GALNT17: variants seen among roughly 807,000 people sequenced by gnomAD.
GALNT17 encodes the protein polypeptide N-acetylgalactosaminyltransferase 17.
GALNT17 carries 29 observed loss-of-function variants against 63.7 expected under a neutral mutation model. The observed-to-expected ratio is 0.46, with a 90% CI of 0.34 to 0.62. The LOEUF is 0.62. GALNT17 is among the 20% of genes least tolerant of loss of function. GALNT17 has a pLI of 0.01. For missense variants in GALNT17, 603 were observed against 799.6 expected, an observed-to-expected ratio of 0.75 and a Z score of 2.97; for synonymous variants, 305 against 318.3, an observed-to-expected ratio of 0.96 and a Z score of 0.45.
At chr7:71,679,890 C>A (rs1350974692) in intron 9 of GALNT17, among the ~76,000 whole-genome samples, 2 of 92,700 alleles carry the variant, frequency 2.2e-5, no homozygotes, top group African/African-American at 8.2e-5. Flanking sequence ...TTCTTTTTCC[C>A]TCCCTCCCTC....
chr7:71,475,573 A>G (rs973291950), intron 5 of GALNT17, among the ~76,000 whole-genome samples: 5 of 152,182 alleles, frequency 3.3e-5, no homozygotes, highest in Admixed American at 3.3e-4. Context: ...GTAAATGCAG[A>G]TGAAGCTTCG....
intron 1 of GALNT17, among the ~76,000 whole-genome samples, chr7:71,259,642 TTTTG>T (rs1427947251): frequency 4.1e-5 from 6 of 146,988 alleles, no homozygotes; most frequent in African/African-American, 5.1e-5. Context: ...TTTTTTGTTT[TTTTG>T]TTTTTTTTTT....
At chr7:71,553,769 A>G (rs1789118172) in intron 5 of GALNT17, among the ~76,000 whole-genome samples, 1 of 152,216 alleles carries the variant, frequency 6.6e-6, no homozygotes, top group South Asian at 2.1e-4. Flanking sequence ...AAGGTAACTC[A>G]GTTTCTTCCC....
chr7:71,595,264 A>T (rs1789868462), intron 6 of GALNT17, among the ~76,000 whole-genome samples: 1 of 152,070 alleles, frequency 6.6e-6, no homozygotes, highest in South Asian at 2.1e-4. Flanking sequence ...CATACAAAAA[A>T]TAAAAATAAT....
intron 9 of GALNT17, among the ~76,000 whole-genome samples, chr7:71,693,652 A>AG (rs989811263): frequency 6.9e-6 from 1 of 145,256 alleles, no homozygotes; most frequent in African/African-American, 2.5e-5. Context: ...ATTGGAGGGT[A>AG]GGGGGTGGAG....
rs538990552 is a variant in GALNT17 at position 71,654,630 on chromosome 7, G to A, written c.1081-10781G>A. On this transcript the variant is annotated intron_variant, in intron 6 of 10. Transcript: ENST00000333538. ...GAGTAAATTCCCCTTAAACAAAAATGGACTAGTTATGTTAATTTCTTGTTG... is the reference window on the plus strand; with the variant it reads ...GAGTAAATTCCCCTTAAACAAAAATAGACTAGTTATGTTAATTTCTTGTTG... Among the ~76,000 whole-genome samples the A allele has an allele frequency of 4.6e-5, 7 of 152,196 alleles. No individual in the cohort carries two copies. In the East Asian group the frequency reaches 1.2e-3, roughly 25 times the overall value.
At chr7:71,326,598 ATTC>A (rs559359738) in intron 1 of GALNT17, among the ~76,000 whole-genome samples, 76 of 152,364 alleles carry the variant, frequency 5.0e-4, no homozygotes, top group Admixed American at 2.2e-3. Context: ...ATTTTCAAAT[ATTC>A]TTCTTACTGG....
intron 1 of GALNT17, among the ~76,000 whole-genome samples, chr7:71,197,797 A>C (rs1360187552): frequency 1.3e-5 from 2 of 152,174 alleles, no homozygotes; most frequent in Admixed American, 1.3e-4. Flanking sequence ...TTTAGGGCTG[A>C]ATAGTACTCT....
intron 5 of GALNT17, among the ~76,000 whole-genome samples, chr7:71,513,282 T>G (rs1163777770): frequency 6.6e-6 from 1 of 152,054 alleles, no homozygotes; most frequent in African/African-American, 2.4e-5. Flanking sequence ...TATACAAAAG[T>G]AGAGAGAAAA....
chr7:71,359,512 A>T (rs1792357740), intron 2 of GALNT17, among the ~76,000 whole-genome samples: 1 of 151,912 alleles, frequency 6.6e-6, no homozygotes, highest in Non-Finnish European at 1.5e-5. Context: ...TAGACCCCCG[A>T]CTCCAACTTT....
intron 1 of GALNT17, among the ~76,000 whole-genome samples, chr7:71,292,657 G>GAC (rs1791000331): frequency 4.8e-5 from 5 of 104,700 alleles, no homozygotes; most frequent in Non-Finnish European, 9.3e-5. Flanking sequence ...GAGAGACAGA[G>GAC]AGAGAGAGAG....
chr7:71,593,955 A>G (rs1436639692), intron 6 of GALNT17, among the ~76,000 whole-genome samples: 3 of 152,126 alleles, frequency 2.0e-5, no homozygotes, highest in African/African-American at 7.2e-5. Context: ...ACGCAGGGAA[A>G]TTACAAATGT....
rs1023955589 is a variant in GALNT17, at chr7:71,366,158, A to G, written c.423-22077A>G. Among the ~76,000 whole-genome samples the G allele has an allele frequency of 2.0e-5, 3 of 152,246 alleles. No individual in the cohort carries two copies. The South Asian group carries it at 6.2e-4, about 32-fold the overall frequency. ...ACGTGAGTAGATGGGGAGAGGCTGT[A>G]AATACAGAAGAAGTTTTGCCCACTC... On this transcript the variant is annotated intron_variant, in intron 2 of 10. Transcript: ENST00000333538.
intron 9 of GALNT17, among the ~76,000 whole-genome samples, chr7:71,689,256 G>A (rs930207504): frequency 2.0e-5 from 3 of 152,004 alleles, no homozygotes; most frequent in Non-Finnish European, 4.4e-5. Flanking sequence ...GCCTCTAAAA[G>A]CTTTAGTGAG....
At chr7:71,319,962 G>T (rs1791574715) in intron 1 of GALNT17, among the ~76,000 whole-genome samples, 3 of 152,146 alleles carry the variant, frequency 2.0e-5, no homozygotes, top group Admixed American at 2.0e-4. Flanking sequence ...GAGGCTAGAA[G>T]CAGCAATGCA....
intron 1 of GALNT17, among the ~76,000 whole-genome samples, chr7:71,233,501 T>A (rs1789831411): frequency 6.6e-6 from 1 of 152,198 alleles, no homozygotes; most frequent in Admixed American, 6.5e-5. Context: ...ATAGAACTGC[T>A]CCAGAGCCTA....
intron 1 of GALNT17, among the ~76,000 whole-genome samples, chr7:71,285,252 C>T (rs1263720812): frequency 5.9e-5 from 9 of 152,104 alleles, no homozygotes; most frequent in Admixed American, 5.9e-4. Context: ...GACAGCAATT[C>T]GGAATAGCCT....
Position 71,475,401 on chromosome 7 carries a change from G to A in GALNT17, c.962+54296G>A, listed in dbSNP as rs4288249. 5.2e-3 allele frequency among the ~76,000 whole-genome samples: 794 copies of A among 152,232 alleles called. 8 individuals are homozygous for A. The highest frequency in any genetic ancestry group is 0.018 in the African/African-American group (758 of 41,520). On this transcript the variant is annotated intron_variant, in intron 5 of 10. Coordinates refer to ENST00000333538, the MANE Select transcript of GALNT17 (RefSeq NM_022479.3). ...TCCCTTCTGGGGGTGATGGGAGACA[G>A]TAACAGATCATCAGGCATTAGATTC...
intron 1 of GALNT17, among the ~76,000 whole-genome samples, chr7:71,168,356 G>A (rs1030224273): frequency 1.3e-5 from 2 of 152,058 alleles, no homozygotes; most frequent in Non-Finnish European, 1.5e-5. Context: ...GGTGGATCAC[G>A]AGGTCAGGAT....
Sources: allele counts gnomAD v4.1 joint callset (sites outside exome capture counted in the v4.1 genomes callset), GRCh38; gene constraint gnomAD v4.1.1; transcripts MANE v1.5; gene names NCBI Gene and HGNC (gene_info 2026-07-23, HGNC 2026-07-21).